Variants in ARHGAP31 observed in about 807,000 individuals in gnomAD.
The protein encoded by ARHGAP31 is rho GTPase-activating protein 31.
ARHGAP31 carries 34 observed loss-of-function variants against 113.9 expected under a neutral mutation model. The ratio of observed to expected loss-of-function variants is 0.30; its 90% CI spans 0.23 to 0.40. The LOEUF (loss-of-function observed/expected upper bound fraction) is 0.40, where lower values mean the gene tolerates loss of function less well. ARHGAP31 is among the 10% of genes least tolerant of loss of function. The pLI is 1.00. For missense variants in ARHGAP31, 1,548 were observed against 1,767.1 expected (o/e 0.88, Z 2.22); for synonymous variants, 650 against 684.8 (o/e 0.95, Z 0.79).
chr3:119,332,802 T>C (rs1242273781), intron 1 of ARHGAP31, among the ~76,000 whole-genome samples: 2 of 152,160 alleles, frequency 1.3e-5, no homozygotes. Context: ...GCAATTGTCA[T>C]GGTCTTTGTC....
chr3:119,295,691 A>C (rs1245491096), intron 1 of ARHGAP31, among the ~76,000 whole-genome samples: 1 of 144,656 alleles, frequency 6.9e-6, no homozygotes, highest in Non-Finnish European at 1.5e-5. Context: ...GAGGGCCTCC[A>C]TTTTTAAATA....
chr3:119,417,975 CT>C lies in ARHGAP31; in HGVS notation c.*1712del, dbSNP rs1170142427. The C allele has an allele frequency of 6.6e-6, 1 of 152,186 alleles. No individual in the cohort carries two copies. The highest frequency in any genetic ancestry group is 2.4e-5 in the African/African-American group (1 of 41,416). 9.4% of individuals were successfully genotyped at this position (152,186 alleles called of 1,614,324 possible). A position where few individuals can be genotyped will look rare whatever the true frequency, so the allele number is the denominator to read the frequency against. ...GTGGGGGCTGAGATGAAGTTACCTC[CT>C]CCAATGAGAAATTGGGAGCTGATGC... On this transcript the variant is annotated 3_prime_UTR_variant, in exon 12 of 12. Coordinates refer to ENST00000264245, the MANE Select transcript of ARHGAP31 (RefSeq NM_020754.4).
intron 8 of ARHGAP31, 63 bp from the exon 9 acceptor site, chr3:119,399,136 T>A: frequency 6.8e-7 from 1 of 1,472,568 alleles, no homozygotes; most frequent in Non-Finnish European, 9.5e-7. Context: ...CAGCCTGACC[T>A]ATTTTTCTGA....
intron 1 of ARHGAP31, among the ~76,000 whole-genome samples, chr3:119,337,772 A>G (rs1369280941): frequency 6.6e-6 from 1 of 152,144 alleles, no homozygotes; most frequent in Non-Finnish European, 1.5e-5. Flanking sequence ...CAAGTGCCCT[A>G]CCGGATTAGC....
chr3:119,326,939 A>G (rs1226318677), intron 1 of ARHGAP31, among the ~76,000 whole-genome samples: 5 of 152,128 alleles, frequency 3.3e-5, no homozygotes, highest in Non-Finnish European at 7.4e-5. Flanking sequence ...CAAATTCAAG[A>G]CCAGCCTGGG....
chr3:119,405,788 G>T (rs1482965137), intron 10 of ARHGAP31, among the ~76,000 whole-genome samples: 1 of 152,154 alleles, frequency 6.6e-6, no homozygotes, highest in Non-Finnish European at 1.5e-5. Context: ...GAGATTTCTT[G>T]TAGTTTACAA....
intron 1 of ARHGAP31, chr3:119,298,641 A>G (rs1056584733): frequency 4.6e-5 from 7 of 152,336 alleles, no homozygotes; most frequent in Non-Finnish European, 1.0e-4. Flanking sequence ...ACTCCCTGGT[A>G]AAAAGTGATA....
intron 1 of ARHGAP31, among the ~76,000 whole-genome samples, chr3:119,296,121 C>T (rs1020372128): frequency 5.3e-5 from 8 of 152,178 alleles, no homozygotes; most frequent in African/African-American, 1.7e-4. Context: ...TAGTCCATAT[C>T]GAATATGCAT....
chr3:119,306,609 G>A (rs1387029710), intron 1 of ARHGAP31, among the ~76,000 whole-genome samples: 1 of 152,174 alleles, frequency 6.6e-6, no homozygotes, highest in East Asian at 1.9e-4. Flanking sequence ...TGTCTGGGTC[G>A]ATGGAGAACA....
In ARHGAP31 at chr3:119,371,647, A is replaced by G. The variant is rs74478100; in HGVS notation, c.348+3131A>G. Among the ~76,000 whole-genome samples the G allele has an allele frequency of 2.0e-5, 3 of 152,154 alleles. No homozygotes were observed. The East Asian group carries it at 5.8e-4, about 29-fold the overall frequency. Reference sequence around the variant, plus strand: ...ACTTGCACAGCTAAAGTAGAATAATACCTTTTATTAACTTTTATTTTAGGT... The same window carrying G: ...ACTTGCACAGCTAAAGTAGAATAATGCCTTTTATTAACTTTTATTTTAGGT... On this transcript the variant is annotated intron_variant, in intron 3 of 11. Transcript: ENST00000264245.
chr3:119,400,485 A>G (rs1577029744), intron 9 of ARHGAP31, among the ~76,000 whole-genome samples: 2 of 152,188 alleles, frequency 1.3e-5, no homozygotes, highest in Admixed American at 6.5e-5. Context: ...CTAAACCTGT[A>G]TAACACTCAG....
intron 9 of ARHGAP31, 151 bp from the exon 10 acceptor site, chr3:119,401,671 A>C (rs2080608487): frequency 1.4e-6 from 1 of 739,104 alleles, no homozygotes; most frequent in Admixed American, 2.1e-5. Context: ...TTTGTCATCC[A>C]GATGTTACCT....
In ARHGAP31 at chr3:119,295,007, A is replaced by G; in HGVS notation, c.100+3A>G. The G allele has an allele frequency of 6.2e-7, 1 of 1,613,976 alleles. No homozygotes were observed. The highest frequency in any genetic ancestry group is 8.5e-7 in the Non-Finnish European group (1 of 1,179,940). On this transcript the variant is annotated splice_donor_region_variant and intron_variant, in intron 1 of 11. Transcript: ENST00000264245. ...TCTGGAAAGCTCGGGACAGGATGGT[A>G]ATGTGCCTTGGCCTTTCTCCCCCGC...
chr3:119,368,326 A>T (rs761396114), intron 2 of ARHGAP31, 46 bp from the exon 3 acceptor site: 1 of 1,612,704 alleles, frequency 6.2e-7, no homozygotes, highest in Non-Finnish European at 8.5e-7. Flanking sequence ...CTGACATGGA[A>T]CACACACTCC....
intron 4 of ARHGAP31, among the ~76,000 whole-genome samples, chr3:119,381,398 A>G (rs10222492): frequency 0.021 from 3,173 of 152,244 alleles, 117 homozygotes; most frequent in African/African-American, 0.072. Flanking sequence ...TACCATCCCT[A>G]CCATCATCCC....
At chr3:119,323,555 A>C (rs956686646) in intron 1 of ARHGAP31, among the ~76,000 whole-genome samples, 1 of 152,114 alleles carries the variant, frequency 6.6e-6, no homozygotes, top group African/African-American at 2.4e-5. Context: ...CATGACAGGA[A>C]ACGAAGAGGG....
chr3:119,413,955 G>A lies in ARHGAP31; in HGVS notation c.2026G>A (p.Ala676Thr), dbSNP rs773350526. The change falls in exon 12 of 12, where the codon GCT (alanine) becomes ACT (threonine). Residue 676 changes from alanine (A) to threonine (T), a missense_variant. Coordinates refer to ENST00000264245, the MANE Select transcript of ARHGAP31 (RefSeq NM_020754.4). ...GGAGCTCTCATCGTTGCCACCTCCT[G>A]CTCTGAAGACCAGCCCAATTCAGCC... ...EEELSSLPPP[A>T]LKTSPIQPIL... 3.7e-6 allele frequency: 6 copies of A among 1,614,090 alleles called. No individual in the cohort carries two copies. The African/African-American group carries it at 5.3e-5, about 14-fold the overall frequency.
rs558988443 is a variant in ARHGAP31 at position 119,323,385 on chromosome 3, C to T, written c.100+28381C>T. 4.6e-5 allele frequency among the ~76,000 whole-genome samples: 7 copies of T among 152,354 alleles called. No individual in the cohort carries two copies. In the South Asian group the frequency reaches 1.2e-3, roughly 27 times the overall value. ...TTCTCGCGCCCCAGGGCTGCGGCCA[C>T]ACCCCGCCGGCCCAGACCCCGCGGG... is the stretch of plus-strand genomic sequence containing the variant. On this transcript the variant is annotated intron_variant, in intron 1 of 11. Coordinates refer to ENST00000264245, the MANE Select transcript of ARHGAP31 (RefSeq NM_020754.4).
chr3:119,331,894 G>T (rs981511221), intron 1 of ARHGAP31, among the ~76,000 whole-genome samples: 1 of 152,106 alleles, frequency 6.6e-6, no homozygotes, highest in South Asian at 2.1e-4. Flanking sequence ...GGGCCTGGCT[G>T]CCTGCACCGC....
Sources: allele counts gnomAD v4.1 joint callset (sites outside exome capture counted in the v4.1 genomes callset), GRCh38; gene constraint gnomAD v4.1.1; transcripts MANE v1.5; gene names NCBI Gene and HGNC (gene_info 2026-07-23, HGNC 2026-07-21).